The following NIM1K variants were observed in gnomAD, a reference collection of about 807,000 sequenced individuals.
The protein encoded by NIM1K is NIM1 serine/threonine protein kinase.
In NIM1K, 35 loss-of-function variants were observed where a neutral mutation model predicts 37.1. That is an observed-to-expected ratio of 0.94 (90% CI 0.72 to 1.25). The LOEUF is 1.25. NIM1K is among the 50% of genes most tolerant of loss of function. The pLI, the probability that NIM1K is intolerant of heterozygous loss-of-function variation, is 0.00. For missense variants in NIM1K, 564 were observed against 548.0 expected, an observed-to-expected ratio of 1.03 and a Z score of -0.29; for synonymous variants, 234 against 206.6, an observed-to-expected ratio of 1.13 and a Z score of -1.14.
intron 1 of NIM1K, among the ~76,000 whole-genome samples, chr5:43,244,354 C>T (rs1752747114): frequency 6.6e-6 from 1 of 152,212 alleles, no homozygotes; most frequent in African/African-American, 2.4e-5. Flanking sequence ...AAAACCAGTT[C>T]CCACCTTCAC....
At chr5:43,206,832 A>G (rs1752120425) in intron 1 of NIM1K, 5 of 767,424 alleles carry the variant, frequency 6.5e-6, no homozygotes, top group Non-Finnish European at 7.3e-6. Flanking sequence ...GCACACCTGG[A>G]AGGACCATGG....
chr5:43,263,162 T>C (rs930509784), intron 2 of NIM1K, among the ~76,000 whole-genome samples: 1 of 152,216 alleles, frequency 6.6e-6, no homozygotes, highest in Non-Finnish European at 1.5e-5. Flanking sequence ...TTTCTATTGA[T>C]TGGAATAGTT....
At position 43,255,754 on chromosome 5, in the gene NIM1K, AAAAGAAAGAAAG is replaced by A. The variant is rs1554016081; in HGVS notation, c.292+9701_292+9712del. ...CAGAGCCAGACTCTGTCTCAAAAAA[AAAAGAAAGAAAG>A]AAAGAAAGAAAGAGCAGGAGGGGAG... On this transcript the variant is annotated intron_variant, in intron 2 of 3. Transcript: ENST00000326035. Among the ~76,000 whole-genome samples the A allele has an allele frequency of 6.0e-3, 786 of 131,892 alleles. 2 individuals are homozygous for A. Among genetic ancestry groups the A allele is most frequent in the African/African-American group, 0.021 (756 of 35,674 alleles). 86.5% of individuals were successfully genotyped at this position (131,892 alleles called of 152,430 possible).
At chr5:43,271,176 T>C (rs1053138806) in intron 2 of NIM1K, among the ~76,000 whole-genome samples, 5 of 152,028 alleles carry the variant, frequency 3.3e-5, no homozygotes, top group Non-Finnish European at 7.4e-5. Flanking sequence ...AAAATAATAA[T>C]AGCATGCTTC....
At chr5:43,249,236 AT>A (rs1329174851) in intron 2 of NIM1K, among the ~76,000 whole-genome samples, 2 of 151,530 alleles carry the variant, frequency 1.3e-5, no homozygotes, top group East Asian at 3.9e-4. Context: ...CGCCCGGCTA[AT>A]TTTTTGTATT....
chr5:43,205,270 C>A (rs1053208377), intron 1 of NIM1K, among the ~76,000 whole-genome samples: 7 of 152,202 alleles, frequency 4.6e-5, no homozygotes, highest in African/African-American at 1.7e-4. Context: ...CTTTAGTAAT[C>A]TCATCAAGGC....
chr5:43,269,709 C>G (rs1220833912), intron 2 of NIM1K, among the ~76,000 whole-genome samples: 1 of 152,068 alleles, frequency 6.6e-6, no homozygotes, highest in Non-Finnish European at 1.5e-5. Flanking sequence ...AGCTCCGCCT[C>G]CTGGGTTCAT....
intron 1 of NIM1K, chr5:43,207,911 C>T (rs1042632576): frequency 7.2e-5 from 27 of 373,626 alleles, no homozygotes; most frequent in African/African-American, 5.7e-4. Context: ...TTGTGAATTC[C>T]TCAAAGTTTT....
chr5:43,280,209 T>C lies in NIM1K; in HGVS notation c.791T>C (p.Met264Thr). 6.2e-7 allele frequency: 1 copy of C among 1,614,182 alleles called. No homozygotes were observed. The highest frequency in any genetic ancestry group is 8.5e-7 in the Non-Finnish European group (1 of 1,180,032). Residue 264 changes from methionine (M) to threonine (T), a missense_variant, in exon 4 of 4, where the codon ATG (methionine) becomes ACG (threonine). Met to Thr is a moderately conservative substitution (Grantham distance 81, BLOSUM62 -1). Transcript: ENST00000326035. Reference sequence around the variant, plus strand: ...GCCTTGGGGGTGCTTTTGTACTTCATGGTGACTGGCACCATGCCATTTCGG... The same window carrying C: ...GCCTTGGGGGTGCTTTTGTACTTCACGGTGACTGGCACCATGCCATTTCGG... ...IWALGVLLYF[M>T]VTGTMPFRAE...
chr5:43,251,724 T>A (rs1383046228), intron 2 of NIM1K, among the ~76,000 whole-genome samples: 1 of 152,224 alleles, frequency 6.6e-6, no homozygotes, highest in Non-Finnish European at 1.5e-5. Flanking sequence ...AAAAAGGTTT[T>A]CCACACTTAA....
At chr5:43,266,950 G>T (rs1753171663) in intron 2 of NIM1K, among the ~76,000 whole-genome samples, 1 of 152,190 alleles carries the variant, frequency 6.6e-6, no homozygotes, top group Admixed American at 6.5e-5. Flanking sequence ...GACACAGGGT[G>T]ATACTGGCTT....
At chr5:43,231,756 T>A (rs1752542813) in intron 1 of NIM1K, 1 of 1,076,698 alleles carries the variant, frequency 9.3e-7, no homozygotes, top group Non-Finnish European at 1.3e-6. Flanking sequence ...AACTTTTCAA[T>A]GTTTAAAACA....
At chr5:43,204,405 C>A (rs867394585) in intron 1 of NIM1K, among the ~76,000 whole-genome samples, 9 of 149,730 alleles carry the variant, frequency 6.0e-5, no homozygotes, top group Middle Eastern at 3.2e-3. Context: ...ATGGTTAATT[C>A]AAAAACAAGG....
chr5:43,232,009 G>C, intron 1 of NIM1K: 1 of 1,037,842 alleles, frequency 9.6e-7, no homozygotes, highest in South Asian at 1.2e-5. Flanking sequence ...GTGAGCCCAG[G>C]CCTCAGCAAT....
chr5:43,217,896 G>A (rs1037140819), intron 1 of NIM1K, among the ~76,000 whole-genome samples: 2 of 151,884 alleles, frequency 1.3e-5, no homozygotes, highest in Non-Finnish European at 2.9e-5. Context: ...ATTTTTAGTG[G>A]AGACAGCATT....
intron 1 of NIM1K, among the ~76,000 whole-genome samples, chr5:43,231,249 C>T (rs1242334525): frequency 2.0e-5 from 3 of 152,174 alleles, no homozygotes; most frequent in South Asian, 2.1e-4. Flanking sequence ...TCCAGGAGAT[C>T]GAGGCTGCAG....
chr5:43,280,716 G>T lies in NIM1K; in HGVS notation c.1298G>T (p.Cys433Phe), dbSNP rs1385603525. Reference sequence around the variant, plus strand: ...GGGATAAGACACACATCCAAATTTTGCTCGATTTTATAAATTGCACTAGAC... The same window carrying T: ...GGGATAAGACACACATCCAAATTTTTCTCGATTTTATAAATTGCACTAGAC... ...YRGIRHTSKFCSIL is the reference protein window; with the variant it reads ...YRGIRHTSKFFSIL Residue 433 changes from cysteine (C) to phenylalanine (F), a missense_variant, in exon 4 of 4, where the codon TGC (cysteine) becomes TTC (phenylalanine). Cys to Phe is a radical substitution (Grantham distance 205). Transcript: ENST00000326035. The T allele has an allele frequency of 6.3e-7, 1 of 1,594,342 alleles. No homozygotes were observed.
Position 43,280,844 on chromosome 5 carries a change from A to G in NIM1K, c.*115A>G, listed in dbSNP as rs1579619038. 9.9e-7 allele frequency: 1 copy of G among 1,013,426 alleles called. No homozygotes were observed. Among genetic ancestry groups the G allele is most frequent in the Middle Eastern group, 2.2e-4 (1 of 4,620 alleles). The allele number at this position is 1,013,426 out of a possible 1,614,324, so 62.8% of individuals were successfully genotyped here. A position where few individuals can be genotyped will look rare whatever the true frequency, so the allele number is the denominator to read the frequency against. On this transcript the variant is annotated 3_prime_UTR_variant, in exon 4 of 4. Coordinates refer to ENST00000326035, the MANE Select transcript of NIM1K (RefSeq NM_153361.4). The stretch of plus-strand genomic sequence containing the variant: ...ATTTTTAAATAAACTTAAATTTGAG[A>G]TATGCATTTTTTTTCTCCAAAAAGT...
Position 43,245,903 on chromosome 5 carries a change from G to T in NIM1K, c.128G>T (p.Arg43Leu). 6.2e-7 allele frequency: 1 copy of T among 1,614,134 alleles called. No homozygotes were observed. The highest frequency in any genetic ancestry group is 8.5e-7 in the Non-Finnish European group (1 of 1,180,012). The change falls in exon 2 of 4, where the codon CGC (arginine) becomes CTC (leucine). Residue 43 changes from arginine to leucine, a missense_variant. Physicochemically the swap from Arg to Leu is moderately radical, Grantham distance 102 (BLOSUM62 -2). Transcript: ENST00000326035. ...SSKEGEEGQP[R>L]QLTPFEKLTQ... The stretch of plus-strand genomic sequence containing the variant: ...AAGGAGGGTGAGGAGGGACAGCCCC[G>T]CCAGCTGACGCCCTTCGAGAAACTG...
Sources: gnomAD v4.1 joint callset for allele counts (sites outside exome capture counted in the v4.1 genomes callset) on GRCh38, gnomAD v4.1.1 for gene constraint, MANE v1.5 for transcripts, NCBI Gene and HGNC (gene_info 2026-07-23, HGNC 2026-07-21) for gene names.